The following ADGRL3 variants were observed in gnomAD, a reference collection of about 807,000 sequenced individuals.
ADGRL3 encodes adhesion G protein-coupled receptor L3.
In ADGRL3, 62 loss-of-function variants were observed where a neutral mutation model predicts 153.5. The ratio of observed to expected loss-of-function variants is 0.40; its 90% CI spans 0.33 to 0.50. The LOEUF (loss-of-function observed/expected upper bound fraction) is 0.50, where lower values mean the gene tolerates loss of function less well. Ranked by LOEUF, ADGRL3 falls within the 20% of genes least tolerant of loss-of-function variation. The pLI is 0.47. For synonymous variants in ADGRL3, 710 were observed against 672.5 expected (o/e 1.06, Z -0.86); for missense variants, 1,641 against 1,859.4 (o/e 0.88, Z 2.16).
At chr4:61,353,822 T>TTTATA (rs113121530) in intron 1 of ADGRL3, among the ~76,000 whole-genome samples, 148,465 of 151,990 alleles carry the variant, frequency 0.98, 72,545 homozygotes, top group Non-Finnish European at 0.99. Flanking sequence ...TTTAGCATTT[T>TTTATA]TGTAGATGAT....
chr4:61,797,904 GATTTT>G (rs1334229867), intron 8 of ADGRL3, among the ~76,000 whole-genome samples: 2 of 152,068 alleles, frequency 1.3e-5, no homozygotes, highest in Non-Finnish European at 2.9e-5. Flanking sequence ...ACTTGTTAGC[GATTTT>G]ATTTTCACAG....
chr4:61,938,990 A>G (rs2098856130), intron 15 of ADGRL3, among the ~76,000 whole-genome samples: 2 of 151,358 alleles, frequency 1.3e-5, no homozygotes, highest in African/African-American at 2.4e-5. Context: ...TAGTAACCAT[A>G]GTAGTTGGGG....
chr4:61,292,293 G>A (rs891120202), intron 1 of ADGRL3, among the ~76,000 whole-genome samples: 1 of 151,988 alleles, frequency 6.6e-6, no homozygotes, highest in African/African-American at 2.4e-5. Context: ...ATTTAATTTT[G>A]TGTGTTTACT....
intron 2 of ADGRL3, among the ~76,000 whole-genome samples, chr4:61,414,035 C>G (rs2097118885): frequency 6.6e-6 from 1 of 152,066 alleles, no homozygotes; most frequent in Non-Finnish European, 1.5e-5. Flanking sequence ...ATATTTATGT[C>G]CAAAAGGCCT....
At chr4:61,970,351 T>G (rs957477133) in intron 17 of ADGRL3, among the ~76,000 whole-genome samples, 7 of 152,172 alleles carry the variant, frequency 4.6e-5, no homozygotes, top group African/African-American at 1.7e-4. Flanking sequence ...TCCCAGACAC[T>G]CTTAAATTAT....
At chr4:61,984,133 T>C (rs566257934) in intron 19 of ADGRL3, among the ~76,000 whole-genome samples, 1 of 152,152 alleles carries the variant, frequency 6.6e-6, no homozygotes, top group Non-Finnish European at 1.5e-5. Flanking sequence ...AAGACATATG[T>C]GTCGAGATGT....
At chr4:61,631,641 C>T (rs1160720764) in intron 5 of ADGRL3, among the ~76,000 whole-genome samples, 2 of 152,108 alleles carry the variant, frequency 1.3e-5, no homozygotes, top group Non-Finnish European at 2.9e-5. Flanking sequence ...AGGTAATGGG[C>T]AGATAGAAAG....
intron 17 of ADGRL3, among the ~76,000 whole-genome samples, chr4:61,960,002 A>C (rs901128500): frequency 2.0e-5 from 3 of 152,182 alleles, no homozygotes; most frequent in Admixed American, 6.5e-5. Flanking sequence ...GAAAAACTAC[A>C]TAACTTGCAT....
intron 1 of ADGRL3, among the ~76,000 whole-genome samples, chr4:61,266,718 A>G (rs2092868416): frequency 6.6e-6 from 1 of 151,794 alleles, no homozygotes; most frequent in South Asian, 2.1e-4. Context: ...ATTGTTTTAT[A>G]TGTAAGGTAA....
At chr4:61,663,661 A>G (rs114763448) in intron 5 of ADGRL3, among the ~76,000 whole-genome samples, 1 of 152,318 alleles carries the variant, frequency 6.6e-6, no homozygotes, top group Non-Finnish European at 1.5e-5. Flanking sequence ...GCCACCAGCT[A>G]CAGAGGTTTC....
At chr4:61,565,306 T>A (rs2098812015) in intron 4 of ADGRL3, among the ~76,000 whole-genome samples, 1 of 152,214 alleles carries the variant, frequency 6.6e-6, no homozygotes, top group African/African-American at 2.4e-5. Flanking sequence ...AGGCTCGCCT[T>A]CTTGAAAATG....
At chr4:61,377,030 T>C (rs1179965302) in intron 1 of ADGRL3, among the ~76,000 whole-genome samples, 1 of 152,144 alleles carries the variant, frequency 6.6e-6, no homozygotes, top group Non-Finnish European at 1.5e-5. Flanking sequence ...TGTATCTGTA[T>C]CTGTTTACAC....
At chr4:61,956,961 A>T (rs934443009) in intron 17 of ADGRL3, among the ~76,000 whole-genome samples, 9 of 152,130 alleles carry the variant, frequency 5.9e-5, no homozygotes. Flanking sequence ...GTTTGAAGTC[A>T]GGTAGCATGA....
intron 8 of ADGRL3, among the ~76,000 whole-genome samples, chr4:61,768,383 A>G (rs2097030814): frequency 6.6e-6 from 1 of 151,888 alleles, no homozygotes. Flanking sequence ...AAGATTAGAA[A>G]GACTCAGCGA....
At chr4:61,512,251 G>A (rs2098467314) in intron 3 of ADGRL3, among the ~76,000 whole-genome samples, 1 of 151,996 alleles carries the variant, frequency 6.6e-6, no homozygotes, top group Non-Finnish European at 1.5e-5. Flanking sequence ...AAAGAGTTTT[G>A]TACATAATAG....
At chr4:61,683,500 G>T (rs916283852) in intron 6 of ADGRL3, among the ~76,000 whole-genome samples, 1 of 152,100 alleles carries the variant, frequency 6.6e-6, no homozygotes, top group South Asian at 2.1e-4. Flanking sequence ...TGCCCCGTGT[G>T]TCTGGGTCTG....
intron 9 of ADGRL3, among the ~76,000 whole-genome samples, chr4:61,826,590 G>A (rs896367720): frequency 2.0e-5 from 3 of 152,196 alleles, no homozygotes; most frequent in East Asian, 1.9e-4. Flanking sequence ...CTTGTAAGAC[G>A]TGAAGGAAGT....
intron 15 of ADGRL3, among the ~76,000 whole-genome samples, chr4:61,936,746 C>G (rs1290628750): frequency 6.9e-6 from 1 of 144,832 alleles, no homozygotes; most frequent in African/African-American, 2.5e-5. Context: ...AAAGTAGACC[C>G]CTCTTTCCCA....
chr4:61,875,923 C>T (rs2098472276), intron 9 of ADGRL3, among the ~76,000 whole-genome samples: 1 of 151,990 alleles, frequency 6.6e-6, no homozygotes, highest in East Asian at 1.9e-4. Flanking sequence ...CAGTGGCTCA[C>T]GCCTATAATC....
Sources: allele counts gnomAD v4.1 joint callset (sites outside exome capture counted in the v4.1 genomes callset), GRCh38; gene constraint gnomAD v4.1.1; transcripts MANE v1.5; gene names NCBI Gene and HGNC (gene_info 2026-07-23, HGNC 2026-07-21).